RALYL: variants seen among roughly 807,000 people sequenced by gnomAD.
RALYL encodes RNA-binding Raly-like protein.
Under a neutral mutation model 35.1 loss-of-function variants are expected in RALYL, and 29 were observed. The ratio of observed to expected loss-of-function variants is 0.83; its 90% CI spans 0.61 to 1.13. The LOEUF is 1.13. RALYL is among the 50% of genes most tolerant of loss of function. The pLI, the probability that RALYL is intolerant of heterozygous loss-of-function variation, is 0.00. For missense variants in RALYL, 359 were observed against 360.4 expected (o/e 1.00, Z 0.03); for synonymous variants, 120 against 127.6 (o/e 0.94, Z 0.40).
intron 4 of RALYL, among the ~76,000 whole-genome samples, chr8:84,836,287 C>A (rs756087935): frequency 6.6e-6 from 1 of 152,138 alleles, no homozygotes; most frequent in Non-Finnish European, 1.5e-5. Context: ...AAACTTGACT[C>A]ACAGCAAGCA....
intron 3 of RALYL, among the ~76,000 whole-genome samples, chr8:84,775,862 T>C (rs1217369268): frequency 6.6e-6 from 1 of 152,244 alleles, no homozygotes; most frequent in Non-Finnish European, 1.5e-5. Flanking sequence ...TCATGTGCTT[T>C]TGCCATTAGT....
rs190433221 is a variant in RALYL, at chr8:84,546,848, T to G, written c.256+17271T>G. ...TTTATTTCTTCAGTAATAATTGTGC[T>G]TTCTTACTCTCCTTTCCCAGTTATT... On this transcript the variant is annotated intron_variant, in intron 2 of 8. Coordinates refer to ENST00000521268, the MANE Select transcript of RALYL (RefSeq NM_173848.7). 3.3e-3 allele frequency among the ~76,000 whole-genome samples: 509 copies of G among 152,342 alleles called. 5 individuals are homozygous for G. Among genetic ancestry groups the G allele is most frequent in the African/African-American group, 0.011 (464 of 41,576 alleles).
intron 2 of RALYL, among the ~76,000 whole-genome samples, chr8:84,640,651 T>C (rs1372803855): frequency 2.0e-5 from 3 of 151,748 alleles, no homozygotes; most frequent in Non-Finnish European, 4.4e-5. Context: ...CAACAATAGT[T>C]ACAACTGGAG....
intron 1 of RALYL, among the ~76,000 whole-genome samples, chr8:84,304,040 G>A (rs1268891055): frequency 1.3e-5 from 2 of 151,470 alleles, no homozygotes; most frequent in Admixed American, 1.3e-4. Flanking sequence ...AAAATAATGG[G>A]AACTTTCTCT....
chr8:84,402,087 T>C (rs1473959914), intron 1 of RALYL, among the ~76,000 whole-genome samples: 1 of 152,112 alleles, frequency 6.6e-6, no homozygotes, highest in Non-Finnish European at 1.5e-5. Context: ...TTGAGAAAAA[T>C]GGTACTGGCT....
intron 1 of RALYL, among the ~76,000 whole-genome samples, chr8:84,308,161 G>C (rs12548307): frequency 6.7e-6 from 1 of 150,220 alleles, no homozygotes; most frequent in South Asian, 2.1e-4. Context: ...GATTCTACAC[G>C]GAAAAAAAAA....
chr8:84,315,285 G>C (rs945568422), intron 1 of RALYL, among the ~76,000 whole-genome samples: 11 of 152,102 alleles, frequency 7.2e-5, no homozygotes, highest in African/African-American at 2.7e-4. Flanking sequence ...ATCAAAAGCA[G>C]CTTTCAAAAG....
At chr8:84,704,231 C>T (rs1195841373) in intron 2 of RALYL, among the ~76,000 whole-genome samples, 3 of 152,118 alleles carry the variant, frequency 2.0e-5, no homozygotes, top group Non-Finnish European at 4.4e-5. Flanking sequence ...TCGAGATCAG[C>T]CTGGCCAACA....
chr8:84,897,769 C>CT (rs1213865600), intron 8 of RALYL, among the ~76,000 whole-genome samples: 3 of 152,114 alleles, frequency 2.0e-5, no homozygotes, highest in African/African-American at 7.2e-5. Flanking sequence ...ATAATGGAAA[C>CT]TCAGTAATGT....
intron 8 of RALYL, among the ~76,000 whole-genome samples, chr8:84,893,058 G>A (rs183219517): frequency 1.3e-5 from 2 of 152,228 alleles, no homozygotes; most frequent in East Asian, 3.9e-4. Context: ...ATACAATGCA[G>A]CATGTCATGG....
chr8:84,671,948 G>A (rs989637389), intron 2 of RALYL, among the ~76,000 whole-genome samples: 4 of 152,254 alleles, frequency 2.6e-5, no homozygotes, highest in South Asian at 4.1e-4. Context: ...CTATTGCATT[G>A]TCAGGCTGCA....
chr8:84,892,180 A>T (rs1417133869), intron 8 of RALYL, among the ~76,000 whole-genome samples: 3 of 152,198 alleles, frequency 2.0e-5, no homozygotes, highest in African/African-American at 4.8e-5. Flanking sequence ...TTCAACTAAC[A>T]TTTGGGAATC....
At chr8:84,526,567 A>G (rs921383072) in intron 1 of RALYL, among the ~76,000 whole-genome samples, 1 of 152,222 alleles carries the variant, frequency 6.6e-6, no homozygotes, top group Non-Finnish European at 1.5e-5. Flanking sequence ...TCGTGAAATT[A>G]TAGCGTTTGC....
At chr8:84,382,873 C>T (rs1019292707) in intron 1 of RALYL, among the ~76,000 whole-genome samples, 2 of 151,612 alleles carry the variant, frequency 1.3e-5, no homozygotes, top group Non-Finnish European at 3.0e-5. Context: ...AAATTTTCTA[C>T]GTTATTTATC....
At chr8:84,785,032 A>G (rs1377207143) in intron 3 of RALYL, among the ~76,000 whole-genome samples, 1 of 152,198 alleles carries the variant, frequency 6.6e-6, no homozygotes, top group Non-Finnish European at 1.5e-5. Context: ...GTATGAAGGA[A>G]TCAAAAGACA....
intron 1 of RALYL, among the ~76,000 whole-genome samples, chr8:84,315,687 A>G (rs1308169032): frequency 6.6e-6 from 1 of 152,142 alleles, no homozygotes; most frequent in East Asian, 1.9e-4. Context: ...ATTGAAGTAC[A>G]ATGAGAATTC....
At chr8:84,310,689 C>T (rs1842595557) in intron 1 of RALYL, among the ~76,000 whole-genome samples, 1 of 152,056 alleles carries the variant, frequency 6.6e-6, no homozygotes, top group Non-Finnish European at 1.5e-5. Flanking sequence ...TGTGGATTGT[C>T]ATAACAGCAT....
At chr8:84,310,134 C>G (rs1388911437) in intron 1 of RALYL, among the ~76,000 whole-genome samples, 2 of 152,000 alleles carry the variant, frequency 1.3e-5, no homozygotes, top group African/African-American at 4.8e-5. Flanking sequence ...CAAGCTCTGC[C>G]TCCCTGGTTG....
intron 2 of RALYL, among the ~76,000 whole-genome samples, chr8:84,552,492 T>C (rs1212516782): frequency 6.7e-6 from 1 of 149,912 alleles, no homozygotes; most frequent in Non-Finnish European, 1.5e-5. Flanking sequence ...TACACACTTA[T>C]TGCTTAGAAG....
Sources: gnomAD v4.1 joint callset for allele counts (sites outside exome capture counted in the v4.1 genomes callset) on GRCh38, gnomAD v4.1.1 for gene constraint, MANE v1.5 for transcripts, NCBI Gene and HGNC (gene_info 2026-07-23, HGNC 2026-07-21) for gene names.